Variants in SPATA13 observed in about 807,000 individuals in gnomAD.
The protein encoded by SPATA13 is spermatogenesis associated 13, also known as spermatogenesis-associated protein 13.
In SPATA13, 50 loss-of-function variants were observed where a neutral mutation model predicts 104.0. That is an observed-to-expected ratio of 0.48 (90% CI 0.38 to 0.61). The LOEUF is 0.61. SPATA13 is among the 20% of genes least tolerant of loss of function. The pLI is 0.00. For missense variants in SPATA13, 1,524 were observed against 1,690.6 expected, an observed-to-expected ratio of 0.90 and a Z score of 1.73; for synonymous variants, 606 against 667.5, an observed-to-expected ratio of 0.91 and a Z score of 1.42.
chr13:24,042,894 G>A (rs1406811397), intron 3 of SPATA13, among the ~76,000 whole-genome samples: 1 of 152,182 alleles, frequency 6.6e-6, no homozygotes, highest in African/African-American at 2.4e-5. Context: ...TTCCTCAGAC[G>A]CCTACTGTCT....
At chr13:24,079,383 C>T (rs561898568) in intron 3 of SPATA13, among the ~76,000 whole-genome samples, 1 of 152,306 alleles carries the variant, frequency 6.6e-6, no homozygotes, top group Admixed American at 6.5e-5. Context: ...CTGAAAAGAT[C>T]ACCCTGGTTT....
chr13:24,164,907 G>A (rs577470880), intron 1 of SPATA13, among the ~76,000 whole-genome samples: 5 of 152,208 alleles, frequency 3.3e-5, no homozygotes, highest in African/African-American at 9.7e-5. Flanking sequence ...CAGTCCAGCC[G>A]TCGCGCTAAC....
intron 3 of SPATA13, among the ~76,000 whole-genome samples, chr13:24,048,618 T>G (rs563631000): frequency 1.8e-4 from 28 of 152,222 alleles, no homozygotes; most frequent in African/African-American, 6.5e-4. Flanking sequence ...TTCTTGATGA[T>G]GAAAACATTT....
chr13:24,278,366 G>A (rs573748744), intron 4 of SPATA13, among the ~76,000 whole-genome samples: 43 of 152,182 alleles, frequency 2.8e-4, no homozygotes, highest in African/African-American at 9.2e-4. Flanking sequence ...TATATGAGCC[G>A]GTTCATCTCC....
At chr13:24,116,778 C>G (rs988653475) in intron 3 of SPATA13, among the ~76,000 whole-genome samples, 14 of 144,512 alleles carry the variant, frequency 9.7e-5, no homozygotes, top group South Asian at 2.2e-4. Context: ...AGCCCCCCCC[C>G]CCCAATGTGC....
In SPATA13 at chr13:24,306,114, A is replaced by C. The variant is rs1877561505; in HGVS notation, c.*3341A>C. The C allele has an allele frequency of 6.6e-6, 1 of 152,230 alleles. No individual in the cohort carries two copies. Among genetic ancestry groups the C allele is most frequent in the Admixed American group, 6.5e-5 (1 of 15,278 alleles). The allele number at this position is 152,230 out of a possible 1,614,324, so 9.4% of individuals were successfully genotyped here. A position where few individuals can be genotyped will look rare whatever the true frequency, so the allele number is the denominator to read the frequency against. On this transcript the variant is annotated 3_prime_UTR_variant, in exon 13 of 13. Coordinates refer to ENST00000382108, the MANE Select transcript of SPATA13 (RefSeq NM_001166271.3). ...CTGAATATTGTGCCTTTTTATACCT[A>C]GCCTAGATGAAAACCGATGCCATTC...
At chr13:24,268,594 A>G (rs987263316) in intron 4 of SPATA13, among the ~76,000 whole-genome samples, 2 of 152,012 alleles carry the variant, frequency 1.3e-5, no homozygotes, top group African/African-American at 4.8e-5. Flanking sequence ...CCTCATCTCT[A>G]CTACAAATAC....
At chr13:24,143,704 C>T (rs1465543246) in intron 3 of SPATA13, among the ~76,000 whole-genome samples, 1 of 152,148 alleles carries the variant, frequency 6.6e-6, no homozygotes, top group Non-Finnish European at 1.5e-5. Flanking sequence ...TCCAGGGGAA[C>T]CACAGAACAT....
chr13:24,248,236 CT>C (rs1186928614), intron 2 of SPATA13, among the ~76,000 whole-genome samples: 2 of 152,212 alleles, frequency 1.3e-5, no homozygotes, highest in African/African-American at 2.4e-5. Context: ...CATGGCCCAG[CT>C]TTTTCAGAGC....
At chr13:24,078,766 G>A (rs1157744272) in intron 3 of SPATA13, among the ~76,000 whole-genome samples, 2 of 152,174 alleles carry the variant, frequency 1.3e-5, no homozygotes, top group Non-Finnish European at 2.9e-5. Flanking sequence ...TCCATGCCAA[G>A]GCTGTTATCC....
intron 1 of SPATA13, among the ~76,000 whole-genome samples, chr13:24,211,465 C>A (rs7321973): frequency 0.23 from 34,966 of 151,636 alleles, 4,398 homozygotes; most frequent in South Asian, 0.3. Context: ...TCATGAAAGA[C>A]TGTTGAATTT....
chr13:24,243,295 A>T (rs148187384), intron 2 of SPATA13, among the ~76,000 whole-genome samples: 1 of 152,174 alleles, frequency 6.6e-6, no homozygotes, highest in Non-Finnish European at 1.5e-5. Context: ...ATTTTCTTTT[A>T]TGCATGTGAA....
At chr13:24,097,293 G>A (rs908234083) in intron 3 of SPATA13, among the ~76,000 whole-genome samples, 2 of 152,130 alleles carry the variant, frequency 1.3e-5, no homozygotes, top group Admixed American at 1.3e-4. Flanking sequence ...CTGTGGGCTG[G>A]GTGCTTACAA....
chr13:23,999,683 C>T, intron 2 of SPATA13, among the ~76,000 whole-genome samples: 1 of 152,178 alleles, frequency 6.6e-6, no homozygotes, highest in South Asian at 2.1e-4. Flanking sequence ...TTTGTTTCTG[C>T]CTCTCAGAGA....
chr13:24,217,057 A>C (rs35210715), intron 1 of SPATA13, among the ~76,000 whole-genome samples: 3 of 152,088 alleles, frequency 2.0e-5, no homozygotes, highest in Non-Finnish European at 2.9e-5. Context: ...GTCTCAAAAC[A>C]AAACAAACAA....
chr13:24,237,345 A>C (rs1381622414), intron 2 of SPATA13, among the ~76,000 whole-genome samples: 1 of 152,186 alleles, frequency 6.6e-6, no homozygotes, highest in Non-Finnish European at 1.5e-5. Flanking sequence ...TGCTGGCGGC[A>C]GAGTCAGATT....
chr13:24,121,959 A>G (rs957971651), intron 3 of SPATA13: 18 of 764,432 alleles, frequency 2.4e-5, no homozygotes, highest in Non-Finnish European at 3.9e-5. Context: ...TTGTCCATCT[A>G]TTCATCATTA....
chr13:23,995,863 G>T (rs941133878), intron 2 of SPATA13, among the ~76,000 whole-genome samples: 1 of 152,094 alleles, frequency 6.6e-6, no homozygotes, highest in Non-Finnish European at 1.5e-5. Context: ...CTTGAACTGC[G>T]TGGAGGAAGT....
At chr13:24,055,083 C>A (rs966046438) in intron 3 of SPATA13, among the ~76,000 whole-genome samples, 1 of 152,228 alleles carries the variant, frequency 6.6e-6, no homozygotes, top group African/African-American at 2.4e-5. Context: ...CTGAGCAAGC[C>A]TACAGCCTCC....
Sources: allele counts gnomAD v4.1 joint callset (sites outside exome capture counted in the v4.1 genomes callset), GRCh38; gene constraint gnomAD v4.1.1; transcripts MANE v1.5; gene names NCBI Gene and HGNC (gene_info 2026-07-23, HGNC 2026-07-21).